Variants in PARN observed in about 807,000 individuals in gnomAD.
PARN encodes the protein poly(A)-specific ribonuclease.
Under a neutral mutation model 102.8 loss-of-function variants are expected in PARN, and 71 were observed. The ratio of observed to expected loss-of-function variants is 0.69; its 90% CI spans 0.57 to 0.84. The LOEUF (loss-of-function observed/expected upper bound fraction) is 0.84, where lower values mean the gene tolerates loss of function less well. Ranked by LOEUF, PARN falls within the 40% of genes least tolerant of loss-of-function variation. The pLI is 0.00. For synonymous variants in PARN, 261 were observed against 252.9 expected (o/e 1.03, Z -0.30); for missense variants, 782 against 760.9 (o/e 1.03, Z -0.33).
intron 21 of PARN, among the ~76,000 whole-genome samples, chr16:14,519,163 C>T (rs1387048473): frequency 6.7e-6 from 1 of 149,040 alleles, no homozygotes; most frequent in Non-Finnish European, 1.5e-5. Flanking sequence ...ATATTTAGGA[C>T]AAAAAAGATT....
chr16:14,490,532 G>A (rs1964004999), intron 21 of PARN, among the ~76,000 whole-genome samples: 1 of 152,198 alleles, frequency 6.6e-6, no homozygotes, highest in Admixed American at 6.5e-5. Flanking sequence ...CAGAAGTGAT[G>A]TGTGCCAAGA....
chr16:14,610,446 C>G (rs1971457283), intron 7 of PARN, among the ~76,000 whole-genome samples, 198 bp downstream of exon 7: 1 of 147,290 alleles, frequency 6.8e-6, no homozygotes, highest in Non-Finnish European at 1.5e-5. Flanking sequence ...GCACTCCAGC[C>G]TGGGCAAAAG....
intron 21 of PARN, among the ~76,000 whole-genome samples, chr16:14,522,514 A>T (rs1352047168): frequency 6.6e-6 from 1 of 152,182 alleles, no homozygotes. Context: ...GTCTCTTAAT[A>T]AGAGGGAAGC....
intron 21 of PARN, among the ~76,000 whole-genome samples, chr16:14,512,683 GGTGGGACCCCAGAAATCCAA>G (rs1332958649): frequency 2.0e-5 from 3 of 152,076 alleles, no homozygotes; most frequent in Admixed American, 2.0e-4. Context: ...AGAAATCAAG[GGTGGGACCCCAGAAATCCAA>G]GTGGGACCTT....
At chr16:14,618,106 G>C (rs116484887) in intron 5 of PARN, among the ~76,000 whole-genome samples, 6,219 of 152,272 alleles carry the variant, frequency 0.041, 144 homozygotes, top group African/African-American at 0.05. Context: ...CACATCACTT[G>C]AGGTCAGAAG....
At chr16:14,607,958 C>A (rs1162874111) in intron 9 of PARN, 1 of 279,620 alleles carries the variant, frequency 3.6e-6, no homozygotes, top group Admixed American at 5.4e-5. Context: ...TCTTGCTTTA[C>A]CAAAAGCATT....
chr16:14,470,160 T>C (rs1962631851), intron 22 of PARN, among the ~76,000 whole-genome samples: 1 of 152,118 alleles, frequency 6.6e-6, no homozygotes, highest in Admixed American at 6.5e-5. Context: ...GTCATATAAG[T>C]ATAAGGTGAT....
intron 21 of PARN, among the ~76,000 whole-genome samples, chr16:14,525,727 G>T (rs1331613736): frequency 6.6e-6 from 1 of 152,092 alleles, no homozygotes. Context: ...CTTAATTGTA[G>T]GCTCCACCAG....
chr16:14,524,929 C>A (rs1431207746), intron 21 of PARN, among the ~76,000 whole-genome samples: 2 of 152,112 alleles, frequency 1.3e-5, no homozygotes, highest in African/African-American at 4.8e-5. Flanking sequence ...ATATTATAGT[C>A]CAACCCAGCA....
chr16:14,454,708 T>C (rs1961604511), intron 22 of PARN, among the ~76,000 whole-genome samples: 1 of 152,244 alleles, frequency 6.6e-6, no homozygotes, highest in Non-Finnish European at 1.5e-5. Flanking sequence ...TCAGGAATTT[T>C]TGTTTTTTCC....
At chr16:14,490,502 C>T (rs1964003552) in intron 21 of PARN, among the ~76,000 whole-genome samples, 1 of 152,208 alleles carries the variant, frequency 6.6e-6, no homozygotes, top group Non-Finnish European at 1.5e-5. Context: ...GTGTGATAAC[C>T]TGGTGTGTTA....
chr16:14,453,019 G>C (rs1961531764), intron 22 of PARN, among the ~76,000 whole-genome samples: 1 of 152,140 alleles, frequency 6.6e-6, no homozygotes, highest in East Asian at 1.9e-4. Context: ...TGTTGATGAG[G>C]CATTCTTTTA....
intron 12 of PARN, among the ~76,000 whole-genome samples, chr16:14,595,405 C>T (rs1970442604): frequency 6.6e-6 from 1 of 152,200 alleles, no homozygotes; most frequent in East Asian, 1.9e-4. Context: ...CGCTCTGTTG[C>T]CCAGGCTGTA....
chr16:14,537,400 A>G (rs145436617), intron 21 of PARN, among the ~76,000 whole-genome samples: 16 of 152,330 alleles, frequency 1.1e-4, no homozygotes, highest in Middle Eastern at 3.4e-3. Flanking sequence ...AAAAAATTAG[A>G]AACAGAACTA....
At chr16:14,500,170 C>A (rs1964510528) in intron 21 of PARN, among the ~76,000 whole-genome samples, 1 of 152,112 alleles carries the variant, frequency 6.6e-6, no homozygotes, top group Admixed American at 6.6e-5. Context: ...ATCCTCCCAC[C>A]TCAGCCTCTC....
At chr16:14,454,845 A>T (rs2151565856) in intron 22 of PARN, among the ~76,000 whole-genome samples, 1 of 152,350 alleles carries the variant, frequency 6.6e-6, no homozygotes, top group Non-Finnish European at 1.5e-5. Context: ...ATAAATAGCA[A>T]ATCACTTTTA....
intron 23 of PARN, among the ~76,000 whole-genome samples, chr16:14,437,647 G>A (rs58007178): frequency 0.033 from 5,010 of 152,294 alleles, 283 homozygotes; most frequent in African/African-American, 0.11. Flanking sequence ...CCGACCAGGC[G>A]TCAGCTGCAC....
At chr16:14,562,794 A>G (rs1157174460) in intron 18 of PARN, among the ~76,000 whole-genome samples, 2 of 152,202 alleles carry the variant, frequency 1.3e-5, no homozygotes, top group Non-Finnish European at 2.9e-5. Context: ...AGTAACACAC[A>G]CAATACAAAA....
rs1279061501 is a variant in PARN at position 14,630,136 on chromosome 16, G to A, written c.-11C>T. 2 of 1,559,450 alleles carry A rather than the reference G, an allele frequency of 1.3e-6. No homozygotes were observed. The highest frequency in any genetic ancestry group is 1.7e-6 in the Non-Finnish European group (2 of 1,150,846). On this transcript the variant is annotated 5_prime_UTR_variant, in exon 1 of 24. Coordinates refer to ENST00000437198, the MANE Select transcript of PARN (RefSeq NM_002582.4). ...CCTGATTATCTCCATTCTGCAGAGT[G>A]GCCGGAACCTTGGCCCCACCCGGGC...
Sources: allele counts gnomAD v4.1 joint callset (sites outside exome capture counted in the v4.1 genomes callset), GRCh38; gene constraint gnomAD v4.1.1; transcripts MANE v1.5; gene names NCBI Gene and HGNC (gene_info 2026-07-23, HGNC 2026-07-21).